Variants in ANKFY1 observed in about 807,000 individuals in gnomAD.
The protein encoded by ANKFY1 is ankyrin repeat and FYVE domain-containing protein 1.
Under a neutral mutation model 128.3 loss-of-function variants are expected in ANKFY1, and 47 were observed. The ratio of observed to expected loss-of-function variants is 0.37; its 90% CI spans 0.29 to 0.47. ANKFY1 has a LOEUF of 0.47. Among genes scored for constraint, ANKFY1 ranks in the 20% least tolerant of loss-of-function variants. The pLI, the probability that ANKFY1 is intolerant of heterozygous loss-of-function variation, is 1.00. For synonymous variants in ANKFY1, 553 were observed against 601.6 expected (o/e 0.92, Z 1.18); for missense variants, 1,222 against 1,510.6 (o/e 0.81, Z 3.17).
chr17:4,223,581 G>A lies in ANKFY1; in HGVS notation c.323-6463C>T, dbSNP rs987968303. The A allele has an allele frequency of 9.5e-6, 12 of 1,258,842 alleles. No individual in the cohort carries two copies. In the African/African-American group the frequency reaches 1.8e-4, roughly 19 times the overall value. The allele number at this position is 1,258,842 out of a possible 1,614,324, so 78.0% of individuals were successfully genotyped here. On this transcript the variant is annotated intron_variant, in intron 3 of 24. Coordinates refer to ENST00000341657, the MANE Select transcript of ANKFY1 (RefSeq NM_001330063.2). ...ACGAGTTTTCTAGCACTAGTGATGTGTGGGGCCTTTGGAGTGATGCTGTGG... is the reference window on the plus strand; with the variant it reads ...ACGAGTTTTCTAGCACTAGTGATGTATGGGGCCTTTGGAGTGATGCTGTGG...
intron 7 of ANKFY1, among the ~76,000 whole-genome samples, chr17:4,203,075 C>G (rs1367884151): frequency 1.3e-5 from 2 of 151,190 alleles, no homozygotes; most frequent in African/African-American, 4.9e-5. Context: ...TAAAAGAAAG[C>G]CCAGAGGGTA....
At chr17:4,213,013 G>A (rs1303626277) in intron 4 of ANKFY1, among the ~76,000 whole-genome samples, 1 of 151,956 alleles carries the variant, frequency 6.6e-6, no homozygotes, top group African/African-American at 2.4e-5. Flanking sequence ...CTGACCTCAT[G>A]ACCCGCCCGC....
At chr17:4,208,464 T>C (rs1338996659) in intron 5 of ANKFY1, among the ~76,000 whole-genome samples, 3 of 151,530 alleles carry the variant, frequency 2.0e-5, no homozygotes, top group Admixed American at 6.6e-5. Context: ...GAGCAGGGAG[T>C]CCTCCTCCCA....
rs12948298 is a variant in ANKFY1, at chr17:4,189,673, A to G, written c.1373-194T>C. On this transcript the variant is annotated intron_variant, in intron 10 of 24. Coordinates refer to ENST00000341657, the MANE Select transcript of ANKFY1 (RefSeq NM_001330063.2). ...GGCCCACGCCAGAGAGTAGGCCCAC[A>G]CCAGACAGTAGGCCCACGCCAGACA... 0.028 allele frequency among the ~76,000 whole-genome samples: 3,687 copies of G among 129,626 alleles called. 168 individuals are homozygous for G. The highest frequency in any genetic ancestry group is 0.1 in the African/African-American group (2,852 of 28,600). The allele number at this position is 129,626 out of a possible 152,430, so 85.0% of individuals were successfully genotyped here.
chr17:4,223,604 T>C (rs967777967), intron 3 of ANKFY1: 1 of 1,340,216 alleles, frequency 7.5e-7, no homozygotes. Flanking sequence ...AGTGATGCTG[T>C]GGGAACTCAT....
chr17:4,211,529 A>T (rs190577021), intron 4 of ANKFY1, among the ~76,000 whole-genome samples: 1 of 152,320 alleles, frequency 6.6e-6, no homozygotes, highest in Non-Finnish European at 1.5e-5. Context: ...GGATGTCCTC[A>T]TAAAGCCGCA....
chr17:4,257,131 G>C (rs943375105), intron 1 of ANKFY1, among the ~76,000 whole-genome samples: 1 of 152,126 alleles, frequency 6.6e-6, no homozygotes, highest in Non-Finnish European at 1.5e-5. Context: ...TCCAGACCTA[G>C]AACTTGAGTC....
intron 7 of ANKFY1, among the ~76,000 whole-genome samples, chr17:4,202,620 C>T (rs1368500143): frequency 3.6e-4 from 49 of 136,624 alleles, no homozygotes; most frequent in African/African-American, 1.2e-3. Flanking sequence ...TGGCGTGAAC[C>T]CGGGAGGCGG....
Position 4,184,906 on chromosome 17 carries a change from CAAGCTGGTCAGG to C in ANKFY1, c.1599_1610del (p.Leu534_Leu537del). 6.2e-7 allele frequency: 1 copy of C among 1,614,096 alleles called. No homozygotes were observed. ...GCGTCTGCAGATGGACGCTGTCCGC[CAAGCTGGTCAGG>C]GATGCGGCCTCCTTTGGCAGAGGCA... On this transcript the variant is annotated inframe_deletion, in exon 12 of 25. Coordinates refer to ENST00000341657, the MANE Select transcript of ANKFY1 (RefSeq NM_001330063.2).
intron 7 of ANKFY1, 114 bp downstream of exon 7, chr17:4,206,207 G>T: frequency 9.2e-7 from 1 of 1,090,882 alleles, no homozygotes; most frequent in Non-Finnish European, 1.3e-6. Flanking sequence ...TGTAGCCTGT[G>T]AGTACAGACT....
chr17:4,178,659 C>T lies in ANKFY1; in HGVS notation c.2598+198G>A, dbSNP rs1219201865. Reference sequence around the variant, plus strand: ...TCCATCGAAGCCGGGCACTGTCAGGCGCTGACACACAGGCAGAGGAGCCGG... The same window carrying T: ...TCCATCGAAGCCGGGCACTGTCAGGTGCTGACACACAGGCAGAGGAGCCGG... On this transcript the variant is annotated intron_variant, in intron 18 of 24. Coordinates refer to ENST00000341657, the MANE Select transcript of ANKFY1 (RefSeq NM_001330063.2). This position sits in a 1 kb window ranked among gnomAD's most constrained non-coding sequence, Gnocchi z 4.1. 1.3e-5 allele frequency: 8 copies of T among 608,738 alleles called. No individual in the cohort carries two copies. The East Asian group carries it at 1.4e-4, about 11-fold the overall frequency. The allele number at this position is 608,738 out of a possible 1,614,324, so 37.7% of individuals were successfully genotyped here.
chr17:4,195,549 C>T, intron 8 of ANKFY1, 78 bp from the exon 9 acceptor site: 1 of 1,132,758 alleles, frequency 8.8e-7, no homozygotes, highest in Non-Finnish European at 1.3e-6. Flanking sequence ...CAACCAGAAT[C>T]CCAGGCAGAA....
At chr17:4,254,551 T>A (rs1413222616) in intron 1 of ANKFY1, among the ~76,000 whole-genome samples, 1 of 152,154 alleles carries the variant, frequency 6.6e-6, no homozygotes, top group Non-Finnish European at 1.5e-5. Context: ...AGCCCAGTGA[T>A]ACTGATTTCA....
At chr17:4,204,447 T>C (rs1398356379) in intron 7 of ANKFY1, among the ~76,000 whole-genome samples, 1 of 152,232 alleles carries the variant, frequency 6.6e-6, no homozygotes, top group Non-Finnish European at 1.5e-5. Flanking sequence ...CAGTGCTCTG[T>C]CTACCGTAAT....
intron 24 of ANKFY1, among the ~76,000 whole-genome samples, chr17:4,168,624 C>T (rs965597652): frequency 1.3e-5 from 2 of 152,082 alleles, no homozygotes; most frequent in Non-Finnish European, 2.9e-5. Context: ...CCCACCACGA[C>T]CCCCAGCTAA....
chr17:4,245,754 A>C (rs899119731), intron 1 of ANKFY1, among the ~76,000 whole-genome samples: 1 of 144,392 alleles, frequency 6.9e-6, no homozygotes, highest in African/African-American at 2.5e-5. Context: ...AAAAAAAAAA[A>C]AAAAAAACAA....
chr17:4,165,367 A>G lies in ANKFY1; in HGVS notation c.*2412T>C, dbSNP rs1418561406. ...TTCTGAATGAATTTAAGTTTTTGCT[A>G]CTAGTACTTAAGCTACTGATGAAAA... On this transcript the variant is annotated 3_prime_UTR_variant, in exon 25 of 25. Transcript: ENST00000341657. 1 of 152,236 alleles carries G rather than the reference A, an allele frequency of 6.6e-6. No homozygotes were observed. The highest frequency in any genetic ancestry group is 6.5e-5 in the Admixed American group (1 of 15,276). The allele number at this position is 152,236 out of a possible 1,614,324, so 9.4% of individuals were successfully genotyped here.
In ANKFY1 at chr17:4,173,455, A is replaced by G. The variant is rs1226421963; in HGVS notation, c.2924-11T>C. ...CAGCAAGATGAAGAGCTGGGAAGTA[A>G]ATCCTCTTACTATGCAAGCCCAGAA... On this transcript the variant is annotated splice_polypyrimidine_tract_variant and intron_variant, in intron 20 of 24. Transcript: ENST00000341657. 3 of 1,613,382 alleles carry G rather than the reference A, an allele frequency of 1.9e-6. No homozygotes were observed. Among genetic ancestry groups the G allele is most frequent in the Non-Finnish European group, 2.5e-6 (3 of 1,179,302 alleles).
In ANKFY1 at chr17:4,178,705, GACATCTCAACAGCC is replaced by G; in HGVS notation, c.2598+138_2598+151del. 1 of 751,590 alleles carries G rather than the reference GACATCTCAACAGCC, an allele frequency of 1.3e-6. No homozygotes were observed. Among genetic ancestry groups the G allele is most frequent in the Non-Finnish European group, 2.2e-6 (1 of 452,340 alleles). 46.6% of individuals were successfully genotyped at this position (751,590 alleles called of 1,614,324 possible). ...GCCGGATCTCATCCTGCACGGATGG[GACATCTCAACAGCC>G]ACATCTTAGGACAGGAGTACAACTT... On this transcript the variant is annotated intron_variant, in intron 18 of 24. Coordinates refer to ENST00000341657, the MANE Select transcript of ANKFY1 (RefSeq NM_001330063.2). The surrounding 1 kb of genome is among the most constrained non-coding windows in gnomAD (Gnocchi z 4.1).
Sources: allele counts gnomAD v4.1 joint callset (sites outside exome capture counted in the v4.1 genomes callset), GRCh38; gene constraint gnomAD v4.1.1; non-coding constraint Gnocchi (gnomAD v3.1); transcripts MANE v1.5; gene names NCBI Gene and HGNC (gene_info 2026-07-23, HGNC 2026-07-21).